The following SOX5 variants were observed in gnomAD, a reference collection of about 807,000 sequenced individuals.
The protein encoded by SOX5 is SRY-box transcription factor 5.
In SOX5, 9 loss-of-function variants were observed where a neutral mutation model predicts 92.0. That is an observed-to-expected ratio of 0.10 (90% CI 0.06 to 0.17). The LOEUF (loss-of-function observed/expected upper bound fraction) is 0.17. Ranked by LOEUF, SOX5 falls within the 10% of genes least tolerant of loss-of-function variation. The pLI is 1.00. For synonymous variants in SOX5, 344 were observed against 336.3 expected (o/e 1.02, Z -0.25); for missense variants, 642 against 944.5 (o/e 0.68, Z 4.20).
At chr12:24,295,040 C>G (rs1471361105) in intron 2 of SOX5, among the ~76,000 whole-genome samples, 1 of 152,024 alleles carries the variant, frequency 6.6e-6, no homozygotes, top group Admixed American at 6.6e-5. Context: ...AAGAAATATT[C>G]ACCAAAAGTT....
chr12:24,416,128 C>G (rs2136865203), intron 1 of SOX5, among the ~76,000 whole-genome samples: 2 of 152,252 alleles, frequency 1.3e-5, no homozygotes, highest in South Asian at 4.2e-4. Context: ...AAGAACAGGC[C>G]CTGCTGGCAG....
chr12:23,727,965 C>T (rs960444336), intron 6 of SOX5, among the ~76,000 whole-genome samples: 11 of 152,116 alleles, frequency 7.2e-5, no homozygotes, highest in Middle Eastern at 3.4e-3. Flanking sequence ...TTTGCCTAGA[C>T]AGAGAAATAA....
chr12:23,617,441 T>C (rs1223747034), intron 8 of SOX5, among the ~76,000 whole-genome samples: 1 of 152,152 alleles, frequency 6.6e-6, no homozygotes, highest in Non-Finnish European at 1.5e-5. Flanking sequence ...GTACAGAAGA[T>C]ATAATGTAAT....
intron 3 of SOX5, among the ~76,000 whole-genome samples, chr12:23,756,591 T>A (rs1307925768): frequency 6.6e-6 from 1 of 151,950 alleles, no homozygotes; most frequent in African/African-American, 2.4e-5. Context: ...ACAATTACAA[T>A]GGCTTTCAAT....
chr12:24,156,459 C>T (rs888116575), intron 4 of SOX5, among the ~76,000 whole-genome samples: 3 of 152,094 alleles, frequency 2.0e-5, no homozygotes, highest in Non-Finnish European at 2.9e-5. Context: ...GAAAGCAAGA[C>T]TTGTTACCAT....
At chr12:24,490,515 G>A (rs969941067) in intron 1 of SOX5, among the ~76,000 whole-genome samples, 2 of 152,072 alleles carry the variant, frequency 1.3e-5, no homozygotes, top group Non-Finnish European at 2.9e-5. Flanking sequence ...TTTGAAACAG[G>A]TATGAAACCA....
intron 4 of SOX5, among the ~76,000 whole-genome samples, chr12:24,133,882 GCA>G (rs776416512): frequency 1.3e-5 from 2 of 152,096 alleles, no homozygotes; most frequent in Non-Finnish European, 2.9e-5. Context: ...CTGATATATA[GCA>G]CACACCAAAA....
At chr12:24,167,597 A>G (rs1025643707) in intron 4 of SOX5, among the ~76,000 whole-genome samples, 1 of 152,232 alleles carries the variant, frequency 6.6e-6, no homozygotes, top group Non-Finnish European at 1.5e-5. Flanking sequence ...ACTTGAGAAT[A>G]TATCACAAAG....
At chr12:23,921,638 G>C (rs1192892381) in intron 1 of SOX5, among the ~76,000 whole-genome samples, 3 of 152,124 alleles carry the variant, frequency 2.0e-5, no homozygotes, top group Non-Finnish European at 2.9e-5. Flanking sequence ...CAAGGAGGTA[G>C]AAACAAAAAA....
chr12:23,944,263 C>G (rs979322470), intron 1 of SOX5: 1 of 152,088 alleles, frequency 6.6e-6, no homozygotes, highest in African/African-American at 2.4e-5. Context: ...GAGCTGGGAA[C>G]AACTTTGAGT....
chr12:24,149,415 A>T (rs1951438451), intron 4 of SOX5, among the ~76,000 whole-genome samples: 1 of 152,212 alleles, frequency 6.6e-6, no homozygotes, highest in Non-Finnish European at 1.5e-5. Context: ...ACATTTCACT[A>T]AAGAAGACAT....
chr12:24,007,162 C>T (rs796430615), intron 4 of SOX5, among the ~76,000 whole-genome samples: 603 of 16,000 alleles, frequency 0.038, 105 homozygotes, highest in African/African-American at 0.08. Flanking sequence ...TATATATATA[C>T]ATTTATATAT....
At chr12:24,463,478 A>G (rs910272107) in intron 1 of SOX5, among the ~76,000 whole-genome samples, 3 of 152,240 alleles carry the variant, frequency 2.0e-5, no homozygotes, top group Admixed American at 1.3e-4. Context: ...AATTGCCATT[A>G]TAACTGAAAT....
intron 3 of SOX5, among the ~76,000 whole-genome samples, chr12:24,222,309 TAG>T (rs1960661709): frequency 6.6e-6 from 1 of 152,058 alleles, no homozygotes; most frequent in African/African-American, 2.4e-5. Context: ...TAGGTCAGGG[TAG>T]AGTCTATTTT....
At chr12:23,921,584 T>C (rs1938295559) in intron 1 of SOX5, among the ~76,000 whole-genome samples, 1 of 152,054 alleles carries the variant, frequency 6.6e-6, no homozygotes, top group Admixed American at 6.5e-5. Context: ...AAACTTACAT[T>C]TCAAAACAAC....
intron 9 of SOX5, among the ~76,000 whole-genome samples, chr12:23,578,813 C>T (rs1239457863): frequency 6.6e-6 from 1 of 152,198 alleles, no homozygotes; most frequent in Non-Finnish European, 1.5e-5. Flanking sequence ...CTGTGTGAAA[C>T]TGACTTCTGT....
chr12:23,913,929 A>G (rs1449486183), intron 1 of SOX5, among the ~76,000 whole-genome samples: 6 of 152,166 alleles, frequency 3.9e-5, no homozygotes, highest in South Asian at 2.1e-4. Flanking sequence ...TTATTATCCA[A>G]TAGCTTAGTC....
intron 2 of SOX5, among the ~76,000 whole-genome samples, chr12:24,294,645 C>A (rs967935389): frequency 2.0e-4 from 30 of 152,202 alleles, no homozygotes; most frequent in African/African-American, 6.8e-4. Flanking sequence ...ACTGTTGACA[C>A]TGCTAACAAT....
chr12:23,993,909 ATGT>A (rs1950799329), intron 4 of SOX5, among the ~76,000 whole-genome samples: 1 of 151,016 alleles, frequency 6.6e-6, no homozygotes, highest in Non-Finnish European at 1.5e-5. Flanking sequence ...GTATGTATGT[ATGT>A]ATGCATGTAT....
Sources: allele counts gnomAD v4.1 joint callset (sites outside exome capture counted in the v4.1 genomes callset), GRCh38; gene constraint gnomAD v4.1.1; transcripts MANE v1.5; gene names NCBI Gene and HGNC (gene_info 2026-07-23, HGNC 2026-07-21).